The following DHRS11 variants were observed in gnomAD, a reference collection of about 807,000 sequenced individuals.
DHRS11 encodes dehydrogenase/reductase 11.
DHRS11 carries 18 observed loss-of-function variants against 30.7 expected under a neutral mutation model. The observed-to-expected ratio is 0.59, with a 90% CI of 0.41 to 0.87. The LOEUF (loss-of-function observed/expected upper bound fraction) is 0.87. Ranked by LOEUF, DHRS11 falls within the 40% of genes least tolerant of loss-of-function variation. The pLI, the probability that DHRS11 is intolerant of heterozygous loss-of-function variation, is 0.00. For missense variants in DHRS11, 300 were observed against 349.0 expected, an observed-to-expected ratio of 0.86 and a Z score of 1.12; for synonymous variants, 123 against 139.6, an observed-to-expected ratio of 0.88 and a Z score of 0.84.
Position 36,600,341 on chromosome 17 carries a change from AT to A in DHRS11, c.*143del. On this transcript the variant is annotated 3_prime_UTR_variant, in exon 7 of 7. Transcript: ENST00000618403. ...CCAGGGGCTAGAAAATTTGTTTGAG[AT>A]TTTTATATCATCTTGTCAAATTGCT... is the stretch of plus-strand genomic sequence containing the variant. 1.0e-6 allele frequency: 1 copy of A among 957,428 alleles called. No homozygotes were observed. Among genetic ancestry groups the A allele is most frequent in the Non-Finnish European group, 1.6e-6 (1 of 637,696 alleles). The allele number at this position is 957,428 out of a possible 1,614,324, so 59.3% of individuals were successfully genotyped here. A position where few individuals can be genotyped will look rare whatever the true frequency, so the allele number is the denominator to read the frequency against.
rs1355582302 is a variant in DHRS11 at position 36,594,999 on chromosome 17, G to T, written c.176G>T (p.Gly59Val). ...EELAAECKSA[G>V]YPGTLIPYRC... The stretch of plus-strand genomic sequence containing the variant: ...CTGGCTGCTGAATGTAAGAGTGCAG[G>T]CTACCCCGGGACTTTGATCCCCTAC... The change falls in exon 2 of 7, where the codon GGC becomes GTC. Residue 59 changes from glycine (G) to valine (V), a missense_variant. Coordinates refer to ENST00000618403, the MANE Select transcript of DHRS11 (RefSeq NM_024308.4). 1.2e-6 allele frequency: 2 copies of T among 1,614,068 alleles called. No individual in the cohort carries two copies. The highest frequency in any genetic ancestry group is 2.7e-5 in the African/African-American group (2 of 74,926).
chr17:36,600,174 C>G lies in DHRS11; in HGVS notation c.754C>G (p.Gln252Glu). Residue 252 changes from glutamine (Q) to glutamate (E), a missense_variant, in exon 7 of 7, where the codon CAG (glutamine) becomes GAG (glutamate). By Grantham distance (29) the Gln-to-Glu change is conservative. Coordinates refer to ENST00000618403, the MANE Select transcript of DHRS11 (RefSeq NM_024308.4). ...TPAHIQIGDI[Q>E]MRPTEQVT ...GTACCTTCCACAGATTGGAGACATC[C>G]AGATGAGGCCCACGGAGCAGGTGAC... 6.2e-7 allele frequency: 1 copy of G among 1,614,080 alleles called. No individual in the cohort carries two copies. Among genetic ancestry groups the G allele is most frequent in the Non-Finnish European group, 8.5e-7 (1 of 1,180,008 alleles).
At chr17:36,594,202 C>T (rs575249253) in intron 1 of DHRS11, among the ~76,000 whole-genome samples, 6 of 152,018 alleles carry the variant, frequency 3.9e-5, no homozygotes, top group African/African-American at 7.2e-5. Flanking sequence ...CTGCAGTTTG[C>T]GAGGGGAGGG....
chr17:36,593,810 G>A (rs1006980935), intron 1 of DHRS11, among the ~76,000 whole-genome samples: 3 of 152,264 alleles, frequency 2.0e-5, no homozygotes, highest in East Asian at 1.9e-4. Context: ...GGCACCGCAC[G>A]CCCCTTCCCC....
rs779546709 is a variant in DHRS11 at position 36,599,697 on chromosome 17, A to G, written c.609A>G (p.Thr203=). The change falls in exon 5 of 7, where the codon ACA becomes ACG. Residue 203 remains threonine (T), a synonymous_variant. Coordinates refer to ENST00000618403, the MANE Select transcript of DHRS11 (RefSeq NM_024308.4). ...ATCISPGVVE[T]QFAFKLHDKD... is the part of the protein sequence containing the mutation. Reference sequence around the variant, plus strand: ...GCATCTCTCCAGGTGTGGTGGAGACACAATTCGCCTTCAAACTCCACGACA... The same window carrying G: ...GCATCTCTCCAGGTGTGGTGGAGACGCAATTCGCCTTCAAACTCCACGACA... 1 of 1,614,164 alleles carries G rather than the reference A, an allele frequency of 6.2e-7. No individual in the cohort carries two copies. The highest frequency in any genetic ancestry group is 8.5e-7 in the Non-Finnish European group (1 of 1,180,018).
chr17:36,594,915 A>G, intron 1 of DHRS11, 56 bp from the exon 2 acceptor site: 1 of 1,585,284 alleles, frequency 6.3e-7, no homozygotes, highest in East Asian at 2.2e-5. Flanking sequence ...GAGGCTGGCT[A>G]GGGAGCCGTG....
At chr17:36,594,345 G>C (rs2074791807) in intron 1 of DHRS11, among the ~76,000 whole-genome samples, 1 of 152,196 alleles carries the variant, frequency 6.6e-6, no homozygotes, top group African/African-American at 2.4e-5. Context: ...CAGAAGAGGT[G>C]TTCCTGTTGA....
chr17:36,594,058 G>A (rs1036422496), intron 1 of DHRS11, among the ~76,000 whole-genome samples: 1 of 152,206 alleles, frequency 6.6e-6, no homozygotes, highest in Non-Finnish European at 1.5e-5. Flanking sequence ...AGAAACCTCA[G>A]AGGGGAGGGT....
At position 36,592,143 on chromosome 17, in the gene DHRS11, TG is replaced by T; in HGVS notation, c.137del (p.Gly46AlafsTer19). Reference sequence around the variant, plus strand: ...AAGGTGGTGGGCTGCGCCCGCACTGTGGGCAACATCGAGGTGAGGCCGGGCC... The same window carrying T: ...AAGGTGGTGGGCTGCGCCCGCACTGTGGCAACATCGAGGTGAGGCCGGGCC... The part of the protein sequence containing the change: ...GLKVVGCART[V>X]GNIEELAAEC... On this transcript the variant is annotated frameshift_variant, in exon 1 of 7. Transcript: ENST00000618403. LOFTEE classifies it high-confidence loss of function. This position sits in a 1 kb window ranked among gnomAD's most constrained non-coding sequence, Gnocchi z 4.4. 7.8e-7 allele frequency: 1 copy of T among 1,283,794 alleles called. No homozygotes were observed. The highest frequency in any genetic ancestry group is 9.9e-7 in the Non-Finnish European group (1 of 1,014,856). The allele number at this position is 1,283,794 out of a possible 1,614,324, so 79.5% of individuals were successfully genotyped here. A position where few individuals can be genotyped will look rare whatever the true frequency, so the allele number is the denominator to read the frequency against.
At chr17:36,598,056 T>C in intron 2 of DHRS11, 107 bp from the exon 3 acceptor site, 1 of 1,127,604 alleles carries the variant, frequency 8.9e-7, no homozygotes, top group Non-Finnish European at 1.3e-6. Flanking sequence ...ACCTGGACAC[T>C]GTTTTGGAAT....
Position 36,600,200 on chromosome 17 carries a change from C to T in DHRS11, c.780C>T (p.Thr260=). Residue 260 remains threonine, a synonymous_variant, in exon 7 of 7, where the codon ACC becomes ACT. Transcript: ENST00000618403. The part of the protein sequence containing the change: ...DIQMRPTEQV[T] ...AGATGAGGCCCACGGAGCAGGTGAC[C>T]TAGTGACTGTGGGAGCTCCTCCTTC... is the stretch of plus-strand genomic sequence containing the variant. 1 of 1,614,164 alleles carries T rather than the reference C, an allele frequency of 6.2e-7. No homozygotes were observed. The highest frequency in any genetic ancestry group is 8.5e-7 in the Non-Finnish European group (1 of 1,180,024).
Position 36,600,446 on chromosome 17 carries a change from C to T in DHRS11, c.*243C>T. On this transcript the variant is annotated 3_prime_UTR_variant, in exon 7 of 7. Coordinates refer to ENST00000618403, the MANE Select transcript of DHRS11 (RefSeq NM_024308.4). The stretch of plus-strand genomic sequence containing the variant: ...TTTTACTTGTTAACTTGTTCTTGTG[C>T]CCCTGGGCACTTGGCCTTTGTCTGC... The T allele has an allele frequency of 1.7e-6, 1 of 604,252 alleles. No homozygotes were observed. Among genetic ancestry groups the T allele is most frequent in the Non-Finnish European group, 2.9e-6 (1 of 342,188 alleles). 37.4% of individuals were successfully genotyped at this position (604,252 alleles called of 1,614,324 possible). A position where few individuals can be genotyped will look rare whatever the true frequency, so the allele number is the denominator to read the frequency against.
chr17:36,600,294 C>T lies in DHRS11; in HGVS notation c.*91C>T. ...GTGTTGATTTCTGGATCACGGGATA[C>T]CACTTCCTGTCCACACCCCGACCAG... On this transcript the variant is annotated 3_prime_UTR_variant, in exon 7 of 7. Coordinates refer to ENST00000618403, the MANE Select transcript of DHRS11 (RefSeq NM_024308.4). The T allele has an allele frequency of 2.0e-6, 3 of 1,498,806 alleles. No individual in the cohort carries two copies. The highest frequency in any genetic ancestry group is 2.8e-6 in the Non-Finnish European group (3 of 1,082,608). 92.8% of individuals were successfully genotyped at this position (1,498,806 alleles called of 1,614,324 possible). A position where few individuals can be genotyped will look rare whatever the true frequency, so the allele number is the denominator to read the frequency against.
At chr17:36,598,349 G>C (rs1421818891) in intron 3 of DHRS11, 92 bp downstream of exon 3, 4 of 1,178,946 alleles carry the variant, frequency 3.4e-6, no homozygotes, top group Non-Finnish European at 5.0e-6. Flanking sequence ...AGTTTCCTTG[G>C]TGGGAAAATA....
intron 2 of DHRS11, among the ~76,000 whole-genome samples, chr17:36,595,481 A>G (rs966712042): frequency 8.2e-6 from 1 of 122,226 alleles, no homozygotes; most frequent in Non-Finnish European, 1.6e-5. Flanking sequence ...GTGCAGTGGC[A>G]TGATCTCTGC....
intron 4 of DHRS11, chr17:36,599,356 C>A: frequency 1.8e-6 from 1 of 553,530 alleles, no homozygotes; most frequent in Non-Finnish European, 3.2e-6. Flanking sequence ...GGGCTCTTCT[C>A]TTGAAGGCCG....
chr17:36,598,840 G>A (rs2074832100), intron 3 of DHRS11, 81 bp from the exon 4 acceptor site: 5 of 1,532,874 alleles, frequency 3.3e-6, no homozygotes, highest in African/African-American at 1.4e-5. Context: ...TGGGTGGTGG[G>A]GCTGACCGGG....
At chr17:36,594,205 G>A (rs949913941) in intron 1 of DHRS11, among the ~76,000 whole-genome samples, 1 of 152,166 alleles carries the variant, frequency 6.6e-6, no homozygotes, top group Non-Finnish European at 1.5e-5. Context: ...CAGTTTGCGA[G>A]GGGAGGGGAA....
At chr17:36,597,070 T>C in intron 2 of DHRS11, 1 of 330,482 alleles carries the variant, frequency 3.0e-6, no homozygotes, top group South Asian at 2.5e-5. Context: ...TCCCTGCCCC[T>C]GATACCCTAG....
Sources: allele counts gnomAD v4.1 joint callset (sites outside exome capture counted in the v4.1 genomes callset), GRCh38; gene constraint gnomAD v4.1.1; non-coding constraint Gnocchi (gnomAD v3.1); transcripts MANE v1.5; gene names NCBI Gene and HGNC (gene_info 2026-07-23, HGNC 2026-07-21).